FCER1A: variants seen among roughly 807,000 people sequenced by gnomAD.
FCER1A encodes Fc epsilon receptor Ia.
Under a neutral mutation model 23.6 loss-of-function variants are expected in FCER1A, and 24 were observed. The observed-to-expected ratio is 1.02, with a 90% CI of 0.74 to 1.43. The LOEUF (loss-of-function observed/expected upper bound fraction) is 1.43. FCER1A is among the 40% of genes most tolerant of loss of function. The pLI is 0.00. For synonymous variants in FCER1A, 121 were observed against 108.8 expected (o/e 1.11, Z -0.70); for missense variants, 318 against 294.5 (o/e 1.08, Z -0.58).
rs757753621 is a variant in FCER1A, at chr1:159,307,796, T to A, written c.638T>A (p.Val213Glu). The A allele has an allele frequency of 1.2e-6, 2 of 1,612,844 alleles. No individual in the cohort carries two copies. The highest frequency in any genetic ancestry group is 1.1e-5 in the South Asian group (1 of 90,944). The change falls in exon 5 of 5, where the codon GTG (valine) becomes GAG (glutamate). Residue 213 changes from valine (V) to glutamate (E), a missense_variant. Physicochemically the swap from Val to Glu is moderately radical, Grantham distance 121 (BLOSUM62 -2). Transcript: ENST00000693622. ...WLQFFIPLLV[V>E]ILFAVDTGLF... ...CAATTTTTTATCCCATTGTTGGTGG[T>A]GATTCTGTTTGCTGTGGACACAGGA...
chr1:159,307,788 G>C lies in FCER1A; in HGVS notation c.630G>C (p.Leu210Phe). The C allele has an allele frequency of 6.2e-7, 1 of 1,612,348 alleles. No individual in the cohort carries two copies. The highest frequency in any genetic ancestry group is 8.5e-7 in the Non-Finnish European group (1 of 1,178,690). The change falls in exon 5 of 5, where the codon TTG (leucine) becomes TTC (phenylalanine). Residue 210 changes from leucine (L) to phenylalanine (F), a missense_variant. Leu to Phe is a conservative substitution (Grantham distance 22). Coordinates refer to ENST00000693622, the MANE Select transcript of FCER1A (RefSeq NM_001387280.1). Reference sequence around the variant, plus strand: ...ACTGGCTACAATTTTTTATCCCATTGTTGGTGGTGATTCTGTTTGCTGTGG... The same window carrying C: ...ACTGGCTACAATTTTTTATCCCATTCTTGGTGGTGATTCTGTTTGCTGTGG... Reference protein sequence around the residue: ...EKYWLQFFIPLLVVILFAVDT... With the variant: ...EKYWLQFFIPFLVVILFAVDT...
chr1:159,298,590 T>C (rs538774504), upstream of FCER1A, among the ~76,000 whole-genome samples: 3 of 152,304 alleles, frequency 2.0e-5, no homozygotes, highest in East Asian at 5.8e-4. Context: ...CAGCATCTGC[T>C]ATTGATGCTC....
At chr1:159,298,364 T>C (rs1266781486), upstream of FCER1A, among the ~76,000 whole-genome samples, 5 of 152,180 alleles carry the variant, frequency 3.3e-5, no homozygotes, top group Non-Finnish European at 7.4e-5. Flanking sequence ...GCAGATCTCT[T>C]ATAAATGGCT....
chr1:159,292,475 C>A (rs1180009323), intron 1 of FCER1A, among the ~76,000 whole-genome samples: 2 of 151,978 alleles, frequency 1.3e-5, no homozygotes, highest in Non-Finnish European at 2.9e-5. Flanking sequence ...GTCAGTAAGT[C>A]CCATTAATAT....
At chr1:159,291,392 C>T (rs1482290568) in intron 1 of FCER1A, among the ~76,000 whole-genome samples, 2 of 152,108 alleles carry the variant, frequency 1.3e-5, no homozygotes, top group Non-Finnish European at 2.9e-5. Flanking sequence ...GTTTATGTTA[C>T]TGCTCTGATG....
chr1:159,285,853 A>G (rs1652000986), upstream of FCER1A, among the ~76,000 whole-genome samples: 1 of 152,124 alleles, frequency 6.6e-6, no homozygotes, highest in South Asian at 2.1e-4. Context: ...ACTATATTGT[A>G]CCTCATAAAT....
At chr1:159,299,431 T>C (rs1319131887), upstream of FCER1A, among the ~76,000 whole-genome samples, 6 of 152,272 alleles carry the variant, frequency 3.9e-5, no homozygotes, top group African/African-American at 1.2e-4. Flanking sequence ...AACACAAAAG[T>C]TCCTGCCCAA....
At chr1:159,288,088 C>T (rs1053399616), upstream of FCER1A, among the ~76,000 whole-genome samples, 2 of 152,084 alleles carry the variant, frequency 1.3e-5, no homozygotes, top group African/African-American at 4.8e-5. Context: ...AATATGGGAG[C>T]AATAAGTAAT....
intron 4 of FCER1A, among the ~76,000 whole-genome samples, chr1:159,307,418 C>G (rs181021963): frequency 6.6e-6 from 1 of 152,286 alleles, no homozygotes. Context: ...CACTTTGTCC[C>G]CTTTCCACCC....
At chr1:159,299,518 T>G (rs2102225173), upstream of FCER1A, among the ~76,000 whole-genome samples, 1 of 152,324 alleles carries the variant, frequency 6.6e-6, no homozygotes, top group South Asian at 2.1e-4. Flanking sequence ...GCCATTTGTT[T>G]CATTTTTCCA....
At chr1:159,305,720 A>C (rs1170550564) in intron 3 of FCER1A, among the ~76,000 whole-genome samples, 4 of 152,192 alleles carry the variant, frequency 2.6e-5, no homozygotes, top group Non-Finnish European at 5.9e-5. Context: ...TCTGGCTTTC[A>C]AGTGTTCCAT....
chr1:159,306,988 A>G (rs1652635461), intron 4 of FCER1A, among the ~76,000 whole-genome samples: 1 of 152,238 alleles, frequency 6.6e-6, no homozygotes, highest in Non-Finnish European at 1.5e-5. Flanking sequence ...ACTTGTCTCT[A>G]GGCTTCCAGT....
chr1:159,287,468 T>C (rs1367535064), upstream of FCER1A, among the ~76,000 whole-genome samples: 1 of 152,052 alleles, frequency 6.6e-6, no homozygotes, highest in Non-Finnish European at 1.5e-5. Context: ...CTAATTACCA[T>C]AGAAATTAAC....
At chr1:159,304,383 C>T (rs924845140) in intron 3 of FCER1A, among the ~76,000 whole-genome samples, 7 of 152,018 alleles carry the variant, frequency 4.6e-5, no homozygotes, top group South Asian at 2.1e-4. Context: ...AGGTGGATCA[C>T]GAGGTCAGGA....
chr1:159,306,227 A>C lies in FCER1A; in HGVS notation c.571A>C (p.Asn191His), dbSNP rs1369783246. The C allele has an allele frequency of 1.2e-6, 2 of 1,613,850 alleles. No homozygotes were observed. The part of the protein sequence containing the change: ...WQLDYESEPL[N>H]ITVIKAPREK... Reference sequence around the variant, plus strand: ...GCTGGACTATGAGTCTGAGCCCCTCAACATTACTGTAATAAAAGGTGAGTT... The same window carrying C: ...GCTGGACTATGAGTCTGAGCCCCTCCACATTACTGTAATAAAAGGTGAGTT... Residue 191 changes from asparagine (N) to histidine (H), a missense_variant, in exon 4 of 5, where the codon AAC (asparagine) becomes CAC (histidine). By Grantham distance (68) the Asn-to-His change is moderately conservative (BLOSUM62 1). Transcript: ENST00000693622.
chr1:159,303,879 T>G, intron 2 of FCER1A, 49 bp from the exon 3 acceptor site: 1 of 1,494,690 alleles, frequency 6.7e-7, no homozygotes, highest in South Asian at 1.2e-5. Flanking sequence ...CAGTTTTCAA[T>G]GACTTTTTTT....
upstream of FCER1A, among the ~76,000 whole-genome samples, chr1:159,302,063 T>C (rs564330305): frequency 5.9e-5 from 9 of 152,326 alleles, no homozygotes; most frequent in South Asian, 8.3e-4. Flanking sequence ...ACTAAATAGT[T>C]GTACACAGAT....
chr1:159,306,273 T>C (rs1481951276), intron 4 of FCER1A, 28 bp downstream of exon 4: 1 of 1,606,374 alleles, frequency 6.2e-7, no homozygotes, highest in African/African-American at 1.3e-5. Flanking sequence ...AGGAAAAGCA[T>C]CCATAGCAGG....
chr1:159,293,508 G>A (rs1430560896), intron 1 of FCER1A, among the ~76,000 whole-genome samples: 5 of 149,942 alleles, frequency 3.3e-5, no homozygotes, highest in African/African-American at 4.9e-5. Flanking sequence ...TCGTCATTTA[G>A]CATTAGGTAT....
Sources: allele counts gnomAD v4.1 joint callset (sites outside exome capture counted in the v4.1 genomes callset), GRCh38; gene constraint gnomAD v4.1.1; transcripts MANE v1.5; gene names NCBI Gene and HGNC (gene_info 2026-07-23, HGNC 2026-07-21).